PRSS23: variants seen among roughly 807,000 people sequenced by gnomAD.
PRSS23 encodes the protein serine protease 23, also known as protease, serine 23.
In PRSS23, 25 loss-of-function variants were observed where a neutral mutation model predicts 34.7. The observed-to-expected ratio is 0.72, with a 90% CI of 0.53 to 1.01. PRSS23 has a LOEUF of 1.01. Ranked by LOEUF, PRSS23 falls within the 50% of genes least tolerant of loss-of-function variation. The probability of loss-of-function intolerance (pLI) is 0.00; values close to 1 mark genes in which losing one functional copy is unlikely to be tolerated. For missense variants in PRSS23, 445 were observed against 475.6 expected, an observed-to-expected ratio of 0.94 and a Z score of 0.60; for synonymous variants, 176 against 186.6, an observed-to-expected ratio of 0.94 and a Z score of 0.46.
At chr11:86,826,492 C>T in intron 2 of PRSS23, among the ~76,000 whole-genome samples, 1 of 152,156 alleles carries the variant, frequency 6.6e-6, no homozygotes, top group Non-Finnish European at 1.5e-5. Flanking sequence ...ATTTCCTTCT[C>T]CTGCCTAATT....
At chr11:86,888,250 C>T (rs1369150911) in intron 2 of PRSS23, among the ~76,000 whole-genome samples, 1 of 152,048 alleles carries the variant, frequency 6.6e-6, no homozygotes, top group African/African-American at 2.4e-5. Flanking sequence ...AACCTCTATG[C>T]AGTCAAGGGG....
At chr11:86,856,893 C>A (rs1948575239) in intron 2 of PRSS23, among the ~76,000 whole-genome samples, 1 of 152,132 alleles carries the variant, frequency 6.6e-6, no homozygotes, top group African/African-American at 2.4e-5. Context: ...AGAATACTCA[C>A]CCATTCCAGT....
chr11:86,916,758 G>A (rs1161633641), intron 2 of PRSS23, among the ~76,000 whole-genome samples: 1 of 151,928 alleles, frequency 6.6e-6, no homozygotes, highest in Non-Finnish European at 1.5e-5. Context: ...CCACCAAGAG[G>A]CCAGCTTGTT....
At chr11:86,942,295 A>G (rs558809418) in intron 2 of PRSS23, among the ~76,000 whole-genome samples, 20 of 152,376 alleles carry the variant, frequency 1.3e-4, no homozygotes, top group African/African-American at 4.6e-4. Flanking sequence ...AGGACATTCC[A>G]GGCAAAAGGA....
downstream of PRSS23, among the ~76,000 whole-genome samples, chr11:86,815,168 G>T (rs895940837): frequency 3.9e-5 from 6 of 152,212 alleles, no homozygotes; most frequent in Non-Finnish European, 5.9e-5. Flanking sequence ...ACAGCAGCCA[G>T]TTCTTGCCAT....
At chr11:86,821,481 G>A in intron 1 of PRSS23, 1 of 1,610,408 alleles carries the variant, frequency 6.2e-7, no homozygotes, top group African/African-American at 1.3e-5. Flanking sequence ...CACTCTTTCA[G>A]AGCTTTATGA....
intron 2 of PRSS23, among the ~76,000 whole-genome samples, chr11:86,893,651 A>C (rs1948856140): frequency 6.6e-6 from 1 of 152,238 alleles, no homozygotes; most frequent in South Asian, 2.1e-4. Flanking sequence ...AAATAGATGG[A>C]TAGATATAGA....
upstream of PRSS23, among the ~76,000 whole-genome samples, chr11:86,798,860 G>GT (rs1015391474): frequency 5.3e-5 from 8 of 152,086 alleles, no homozygotes; most frequent in Admixed American, 2.0e-4. Flanking sequence ...AACTGGCTAG[G>GT]TTTTTTGTAT....
chr11:86,942,022 G>A (rs1949210233), intron 2 of PRSS23, among the ~76,000 whole-genome samples: 1 of 152,088 alleles, frequency 6.6e-6, no homozygotes, highest in South Asian at 2.1e-4. Context: ...GCCAAGCTCT[G>A]ACGGTACATA....
At chr11:86,836,675 A>C (rs1451384842) in intron 2 of PRSS23, 3 of 152,198 alleles carry the variant, frequency 2.0e-5, no homozygotes, top group Non-Finnish European at 4.4e-5. Flanking sequence ...TCTGGAGGAC[A>C]GTTGTCCAGG....
upstream of PRSS23, among the ~76,000 whole-genome samples, chr11:86,797,660 A>G (rs1431635742): frequency 2.0e-5 from 3 of 152,224 alleles, no homozygotes; most frequent in Non-Finnish European, 4.4e-5. Context: ...CTACTAGGAA[A>G]AAAATGAGCA....
At chr11:86,900,260 G>A (rs959753376) in intron 2 of PRSS23, among the ~76,000 whole-genome samples, 3 of 152,166 alleles carry the variant, frequency 2.0e-5, no homozygotes, top group Non-Finnish European at 4.4e-5. Context: ...TTGGTTTCAA[G>A]GTCTGTAAAC....
At chr11:86,846,490 G>T (rs887323711) in intron 2 of PRSS23, among the ~76,000 whole-genome samples, 1 of 152,194 alleles carries the variant, frequency 6.6e-6, no homozygotes, top group African/African-American at 2.4e-5. Flanking sequence ...CCTGGAACCA[G>T]TTCCAACTCT....
At chr11:86,873,203 C>T (rs374308354) in intron 2 of PRSS23, among the ~76,000 whole-genome samples, 69,796 of 131,368 alleles carry the variant, frequency 0.53, 19,417 homozygotes, top group African/African-American at 0.68. Context: ...TATATACACA[C>T]ACACACACAC....
At chr11:86,931,404 T>TA (rs1284924031) in intron 2 of PRSS23, among the ~76,000 whole-genome samples, 4 of 152,010 alleles carry the variant, frequency 2.6e-5, no homozygotes, top group African/African-American at 9.7e-5. Flanking sequence ...GGCATACCAC[T>TA]CAGCAATACA....
chr11:86,943,623 C>CA (rs35236853), intron 2 of PRSS23, among the ~76,000 whole-genome samples: 86,381 of 150,946 alleles, frequency 0.57, 25,024 homozygotes, highest in Middle Eastern at 0.72. Context: ...GACTCCATCT[C>CA]AAAAAAATAA....
intron 2 of PRSS23, among the ~76,000 whole-genome samples, chr11:86,860,361 T>A (rs143139908): frequency 4.3e-4 from 65 of 151,918 alleles, no homozygotes; most frequent in African/African-American, 1.4e-3. Flanking sequence ...TATCAAAGGG[T>A]GTGTACACTG....
At chr11:86,821,657 T>A in intron 1 of PRSS23, 1 of 1,565,056 alleles carries the variant, frequency 6.4e-7, no homozygotes, top group Non-Finnish European at 8.8e-7. Flanking sequence ...GGTTCAAGAA[T>A]TTTGTCAATA....
chr11:86,795,982 C>T (rs151314950), upstream of PRSS23, among the ~76,000 whole-genome samples: 31 of 152,306 alleles, frequency 2.0e-4, no homozygotes, highest in Admixed American at 9.8e-4. Context: ...TAGTGCTGGT[C>T]ATGCCACCCT....
Sources: allele counts gnomAD v4.1 joint callset (sites outside exome capture counted in the v4.1 genomes callset), GRCh38; gene constraint gnomAD v4.1.1; transcripts MANE v1.5; gene names NCBI Gene and HGNC (gene_info 2026-07-23, HGNC 2026-07-21).